The following SIL1 variants were observed in gnomAD, a reference collection of about 807,000 sequenced individuals.
SIL1 encodes the protein SIL1 nucleotide exchange factor, also known as nucleotide exchange factor SIL1.
In SIL1, 40 loss-of-function variants were observed where a neutral mutation model predicts 49.1. The ratio of observed to expected loss-of-function variants is 0.81; its 90% CI spans 0.63 to 1.06. The LOEUF (loss-of-function observed/expected upper bound fraction) is 1.06. Among genes scored for constraint, SIL1 ranks in the 50% least tolerant of loss-of-function variants. The probability of loss-of-function intolerance (pLI) is 0.00; values close to 1 mark genes in which losing one functional copy is unlikely to be tolerated. For synonymous variants in SIL1, 253 were observed against 250.8 expected, an observed-to-expected ratio of 1.01 and a Z score of -0.08; for missense variants, 500 against 572.6, an observed-to-expected ratio of 0.87 and a Z score of 1.29.
intron 3 of SIL1, among the ~76,000 whole-genome samples, chr5:139,055,762 A>C (rs1037075841): frequency 7.0e-6 from 1 of 143,250 alleles, no homozygotes; most frequent in African/African-American, 2.6e-5. Flanking sequence ...GCTCACTGCA[A>C]CCTCCCTGCC....
At chr5:138,968,332 A>G (rs1179426729) in intron 7 of SIL1, among the ~76,000 whole-genome samples, 1 of 152,130 alleles carries the variant, frequency 6.6e-6, no homozygotes, top group Non-Finnish European at 1.5e-5. Flanking sequence ...TCCATTCAAG[A>G]GGTCTGCTGA....
At chr5:139,019,239 C>A (rs976426170) in intron 7 of SIL1, among the ~76,000 whole-genome samples, 17 of 152,160 alleles carry the variant, frequency 1.1e-4, no homozygotes, top group African/African-American at 3.4e-4. Flanking sequence ...AGGTGCAGAG[C>A]CAATACTTAA....
chr5:139,136,715 C>T (rs1750981255), intron 1 of SIL1, among the ~76,000 whole-genome samples: 1 of 152,062 alleles, frequency 6.6e-6, no homozygotes, highest in South Asian at 2.1e-4. Context: ...GTAGGCCACT[C>T]CAAAAGGCTC....
At chr5:139,191,814 C>T (rs62382985) in intron 1 of SIL1, among the ~76,000 whole-genome samples, 4 of 151,904 alleles carry the variant, frequency 2.6e-5, no homozygotes, top group East Asian at 1.9e-4. Flanking sequence ...CAGTGGCTCA[C>T]GCCTGTAATC....
At chr5:139,131,349 G>A (rs1044728243) in intron 1 of SIL1, among the ~76,000 whole-genome samples, 2 of 151,908 alleles carry the variant, frequency 1.3e-5, no homozygotes, top group Admixed American at 1.3e-4. Flanking sequence ...TTGGACCTGT[G>A]GCATGATTGC....
At position 138,947,113 on chromosome 5, in the gene SIL1, G is replaced by A. The variant is rs758399875; in HGVS notation, c.*4C>T. ...GCATCCCAGTCCAGTCCTGGTGTGG[G>A]GCCTCATCTCAGCTCCTTCAGCAAG... is the stretch of plus-strand genomic sequence containing the variant. On this transcript the variant is annotated 3_prime_UTR_variant, in exon 10 of 10. Coordinates refer to ENST00000394817, the MANE Select transcript of SIL1 (RefSeq NM_022464.5). This position sits in a 1 kb window ranked among gnomAD's most constrained non-coding sequence, Gnocchi z 4.1. 2 of 1,609,642 alleles carry A rather than the reference G, an allele frequency of 1.2e-6. No individual in the cohort carries two copies. The highest frequency in any genetic ancestry group is 8.5e-7 in the Non-Finnish European group (1 of 1,177,190).
chr5:139,132,939 C>T (rs1370155589), intron 1 of SIL1, among the ~76,000 whole-genome samples: 1 of 152,162 alleles, frequency 6.6e-6, no homozygotes, highest in Admixed American at 6.5e-5. Context: ...ATAAGTAAAG[C>T]CAAAGTCATG....
At chr5:138,972,002 G>A (rs564943968) in intron 7 of SIL1, among the ~76,000 whole-genome samples, 1 of 152,264 alleles carries the variant, frequency 6.6e-6, no homozygotes, top group East Asian at 1.9e-4. Context: ...TCTCCTTCAG[G>A]CCACACAGAT....
intron 1 of SIL1, among the ~76,000 whole-genome samples, chr5:139,146,403 A>T (rs1479198848): frequency 6.6e-6 from 1 of 152,116 alleles, no homozygotes; most frequent in Non-Finnish European, 1.5e-5. Flanking sequence ...CAAAAAATTT[A>T]AAAACTCAGC....
chr5:139,118,725 A>G (rs1284082400), intron 3 of SIL1, among the ~76,000 whole-genome samples: 2 of 152,226 alleles, frequency 1.3e-5, no homozygotes, highest in Non-Finnish European at 2.9e-5. Flanking sequence ...TAAATTAAGT[A>G]CCATAATCTG....
chr5:139,178,862 T>C (rs1415494516), intron 1 of SIL1, among the ~76,000 whole-genome samples: 2 of 152,298 alleles, frequency 1.3e-5, no homozygotes, highest in Admixed American at 6.5e-5. Flanking sequence ...ATGTAACAGA[T>C]GTTTTATATA....
chr5:139,041,795 AG>A (rs1157531981), intron 5 of SIL1, among the ~76,000 whole-genome samples: 1 of 150,928 alleles, frequency 6.6e-6, no homozygotes, highest in African/African-American at 2.4e-5. Flanking sequence ...TCTGGGCGAC[AG>A]AGCAAGACTC....
At chr5:138,975,082 G>T (rs1428575460) in intron 7 of SIL1, among the ~76,000 whole-genome samples, 4 of 152,096 alleles carry the variant, frequency 2.6e-5, no homozygotes, top group African/African-American at 7.2e-5. Context: ...ACATAAAACT[G>T]TAAAGGATAA....
chr5:138,968,988 C>T (rs1767212545), intron 7 of SIL1, among the ~76,000 whole-genome samples: 1 of 152,112 alleles, frequency 6.6e-6, no homozygotes, highest in South Asian at 2.1e-4. Context: ...ACTGCATATC[C>T]CCTGCCTGCT....
intron 2 of SIL1, among the ~76,000 whole-genome samples, chr5:139,125,289 T>C (rs1245573055): frequency 6.6e-6 from 1 of 152,158 alleles, no homozygotes; most frequent in Non-Finnish European, 1.5e-5. Flanking sequence ...TCACCATCAT[T>C]CCAAATACCA....
chr5:139,169,719 G>A (rs1173840024), intron 1 of SIL1, among the ~76,000 whole-genome samples: 1 of 151,860 alleles, frequency 6.6e-6, no homozygotes, highest in East Asian at 1.9e-4. Context: ...CTGACCTCAT[G>A]ATCCACCCAC....
Position 139,020,784 on chromosome 5 carries a change from A to G in SIL1, c.767+387T>C, listed in dbSNP as rs113133273. Among the ~76,000 whole-genome samples the G allele has an allele frequency of 1.5e-3, 221 of 152,358 alleles. 4 individuals carry two copies. The highest frequency in any genetic ancestry group is 5.1e-3 in the African/African-American group (211 of 41,584). ...CTAGGGCAAGACACATTCCTCCCTG[A>G]AAGCACCCCCTTGGTCAGGCTCATC... On this transcript the variant is annotated intron_variant, in intron 7 of 9. Coordinates refer to ENST00000394817, the MANE Select transcript of SIL1 (RefSeq NM_022464.5).
rs1581120392 is a variant in SIL1, at chr5:139,127,391, G to A, written c.105+348C>T. Among the ~76,000 whole-genome samples, 3 of 152,290 alleles carry A rather than the reference G, an allele frequency of 2.0e-5. No homozygotes were observed. The South Asian group carries it at 6.2e-4, about 32-fold the overall frequency. ...AGTCTTAGTCTTCTCCTCAAAAGGA[G>A]AATAAAAACTGTAGCTGCCTACTTC... On this transcript the variant is annotated intron_variant, in intron 2 of 9. Transcript: ENST00000394817.
intron 7 of SIL1, among the ~76,000 whole-genome samples, chr5:138,996,956 A>G (rs955464488): frequency 3.3e-5 from 5 of 152,200 alleles, no homozygotes; most frequent in African/African-American, 1.2e-4. Context: ...CTTTTGAGAC[A>G]GTATCTTGCT....
Sources: gnomAD v4.1 joint callset for allele counts (sites outside exome capture counted in the v4.1 genomes callset) on GRCh38, gnomAD v4.1.1 for gene constraint, Gnocchi (gnomAD v3.1) non-coding constraint, MANE v1.5 for transcripts, NCBI Gene and HGNC (gene_info 2026-07-23, HGNC 2026-07-21) for gene names.